Variants in ETV6 observed in about 807,000 individuals in gnomAD.
ETV6 encodes transcription factor ETV6.
A neutral mutation model predicts 51.1 loss-of-function variants in ETV6; 16 were observed. The ratio of observed to expected loss-of-function variants is 0.31; its 90% CI spans 0.21 to 0.48. The LOEUF is 0.48. Ranked by LOEUF, ETV6 falls within the 20% of genes least tolerant of loss-of-function variation. The pLI, the probability that ETV6 is intolerant of heterozygous loss-of-function variation, is 0.99. For synonymous variants in ETV6, 240 were observed against 224.1 expected (o/e 1.07, Z -0.64); for missense variants, 458 against 594.8 (o/e 0.77, Z 2.39).
At chr12:11,718,827 G>A (rs1591629942) in intron 1 of ETV6, among the ~76,000 whole-genome samples, 1 of 152,136 alleles carries the variant, frequency 6.6e-6, no homozygotes, top group East Asian at 1.9e-4. Context: ...GCTCAATACT[G>A]TATTTTAGAA....
chr12:11,687,212 C>CTTT (rs1183564722), intron 1 of ETV6, among the ~76,000 whole-genome samples: 2 of 87,648 alleles, frequency 2.3e-5, no homozygotes, highest in African/African-American at 4.1e-5. Context: ...TTTTTCTGTT[C>CTTT]TTTTTTTTTT....
chr12:11,861,266 C>T (rs1946712561), intron 4 of ETV6, among the ~76,000 whole-genome samples: 1 of 152,138 alleles, frequency 6.6e-6, no homozygotes, highest in African/African-American at 2.4e-5. Context: ...GGCCCACGAG[C>T]ACCACTTAAC....
At chr12:11,834,466 T>C (rs1216415303) in intron 2 of ETV6, among the ~76,000 whole-genome samples, 1 of 152,190 alleles carries the variant, frequency 6.6e-6, no homozygotes, top group Admixed American at 6.5e-5. Context: ...ATCAATAAAA[T>C]CACCTGATGA....
rs181139386 is a variant in ETV6, at chr12:11,652,919, T to C, written c.33+2759T>C. On this transcript the variant is annotated intron_variant, in intron 1 of 7. Coordinates refer to ENST00000396373, the MANE Select transcript of ETV6 (RefSeq NM_001987.5). ...AGTTTGCTCCCATCGCCTGGGGAAG[T>C]TAATATCAGACACACACTTTTTACG... 1.1e-4 allele frequency among the ~76,000 whole-genome samples: 17 copies of C among 152,238 alleles called. No homozygotes were observed. In the East Asian group the frequency reaches 3.3e-3, roughly 29 times the overall value.
At chr12:11,726,806 T>C (rs1233042981) in intron 1 of ETV6, among the ~76,000 whole-genome samples, 2 of 152,180 alleles carry the variant, frequency 1.3e-5, no homozygotes, top group Non-Finnish European at 2.9e-5. Flanking sequence ...ATTAAGCATA[T>C]GAGTACTTAG....
chr12:11,752,596 C>A lies in ETV6; in HGVS notation c.163+17C>A. ...CGCACCTGCGTGAGTGTTCGTGACC[C>A]GAGAGGGACAGAGGATTGATGGCGT... On this transcript the variant is annotated intron_variant, in intron 2 of 7. Coordinates refer to ENST00000396373, the MANE Select transcript of ETV6 (RefSeq NM_001987.5). 1 of 1,605,952 alleles carries A rather than the reference C, an allele frequency of 6.2e-7. No individual in the cohort carries two copies. Among genetic ancestry groups the A allele is most frequent in the South Asian group, 1.1e-5 (1 of 90,850 alleles).
At chr12:11,868,443 T>G (rs1288639783) in intron 4 of ETV6, among the ~76,000 whole-genome samples, 2 of 149,032 alleles carry the variant, frequency 1.3e-5, no homozygotes, top group Non-Finnish European at 3.0e-5. Context: ...TTCTTCTTTT[T>G]TTTTTTTTTT....
Position 11,806,257 on chromosome 12 carries a change from T to C in ETV6, c.164-32883T>C, listed in dbSNP as rs945247953. Among the ~76,000 whole-genome samples, 23 of 152,244 alleles carry C rather than the reference T, an allele frequency of 1.5e-4. No individual in the cohort carries two copies. In the South Asian group the frequency reaches 4.8e-3, roughly 32 times the overall value. On this transcript the variant is annotated intron_variant, in intron 2 of 7. Transcript: ENST00000396373. ...CTGTAGCCCCCTAGGAGAAGAACAG[T>C]ATAATCAAGATGTCAGGTTGAGGAA...
intron 1 of ETV6, among the ~76,000 whole-genome samples, chr12:11,695,608 G>A (rs930364835): frequency 2.0e-5 from 3 of 152,218 alleles, no homozygotes; most frequent in African/African-American, 7.2e-5. Flanking sequence ...TTTCTCAACC[G>A]GGTTTCATCT....
chr12:11,686,488 G>A (rs766845107), intron 1 of ETV6, among the ~76,000 whole-genome samples: 6 of 152,236 alleles, frequency 3.9e-5, no homozygotes, highest in Non-Finnish European at 8.8e-5. Context: ...GGTCTGGGAT[G>A]TTTTTGGAGT....
At chr12:11,698,000 C>CA (rs1438675070) in intron 1 of ETV6, among the ~76,000 whole-genome samples, 3 of 151,856 alleles carry the variant, frequency 2.0e-5, no homozygotes, top group East Asian at 1.9e-4. Flanking sequence ...AAATTGAAAA[C>CA]AAAAAAAATT....
In ETV6 at chr12:11,891,233, G is replaced by A; in HGVS notation, c.*187G>A. On this transcript the variant is annotated 3_prime_UTR_variant, in exon 8 of 8. Coordinates refer to ENST00000396373, the MANE Select transcript of ETV6 (RefSeq NM_001987.5). ...CACCTTAGACAAACTACCCAGCACA[G>A]GCGGGGCTGGAATTCTGGCGGAGGG... The A allele has an allele frequency of 7.5e-6, 4 of 534,036 alleles. No homozygotes were observed. Among genetic ancestry groups the A allele is most frequent in the Non-Finnish European group, 1.3e-5 (4 of 299,386 alleles). The allele number at this position is 534,036 out of a possible 1,614,324, so 33.1% of individuals were successfully genotyped here.
At chr12:11,794,341 G>C (rs1412463170) in intron 2 of ETV6, among the ~76,000 whole-genome samples, 1 of 152,168 alleles carries the variant, frequency 6.6e-6, no homozygotes, top group African/African-American at 2.4e-5. Context: ...GGGCTATTTT[G>C]ACCATTCTGG....
At chr12:11,890,361 G>A (rs58854676) in intron 7 of ETV6, among the ~76,000 whole-genome samples, 4,945 of 151,526 alleles carry the variant, frequency 0.033, 246 homozygotes, top group African/African-American at 0.11. Context: ...AGGCTTTCTC[G>A]TGTGGTCATG....
intron 2 of ETV6, among the ~76,000 whole-genome samples, chr12:11,804,910 G>T (rs1284913856): frequency 3.3e-5 from 5 of 152,108 alleles, no homozygotes; most frequent in Admixed American, 1.3e-4. Context: ...AATCCTGTGG[G>T]CTCCTCCTTA....
chr12:11,723,524 G>A (rs2092629599), intron 1 of ETV6, among the ~76,000 whole-genome samples: 1 of 151,756 alleles, frequency 6.6e-6, no homozygotes, highest in Non-Finnish European at 1.5e-5. Flanking sequence ...TAGTTATAAA[G>A]TATGACCTTT....
chr12:11,887,336 C>A (rs973885465), intron 7 of ETV6, among the ~76,000 whole-genome samples: 38 of 152,188 alleles, frequency 2.5e-4, no homozygotes, highest in African/African-American at 8.9e-4. Flanking sequence ...GCTCTAAAAT[C>A]TCCCTGAAAT....
chr12:11,881,471 G>A (rs957461899), intron 5 of ETV6, among the ~76,000 whole-genome samples: 1 of 152,222 alleles, frequency 6.6e-6, no homozygotes, highest in South Asian at 2.1e-4. Flanking sequence ...CAGTTCTGGG[G>A]GCTGGGGAGA....
At chr12:11,692,610 A>G (rs576037635) in intron 1 of ETV6, among the ~76,000 whole-genome samples, 7 of 152,038 alleles carry the variant, frequency 4.6e-5, no homozygotes, top group Middle Eastern at 3.4e-3. Context: ...TTGTTCCTCT[A>G]TGTGTCTAAT....
Sources: gnomAD v4.1 joint callset for allele counts (sites outside exome capture counted in the v4.1 genomes callset) on GRCh38, gnomAD v4.1.1 for gene constraint, MANE v1.5 for transcripts, NCBI Gene and HGNC (gene_info 2026-07-23, HGNC 2026-07-21) for gene names.